SPEF2: variants seen among roughly 807,000 people sequenced by gnomAD.
The protein encoded by SPEF2 is sperm flagella and cilia-associated protein 2.
SPEF2 carries 187 observed loss-of-function variants against 224.6 expected under a neutral mutation model. The ratio of observed to expected loss-of-function variants is 0.83; its 90% confidence interval spans 0.74 to 0.94. The LOEUF is 0.94. Ranked by LOEUF, SPEF2 falls within the 40% of genes least tolerant of loss-of-function variation. SPEF2 has a pLI of 0.00. For missense variants in SPEF2, 2,170 were observed against 2,135.6 expected (o/e 1.02, Z -0.32); for synonymous variants, 715 against 707.3 (o/e 1.01, Z -0.17).
intron 18 of SPEF2, among the ~76,000 whole-genome samples, chr5:35,708,417 C>T (rs1561235270): frequency 6.6e-6 from 1 of 151,918 alleles, no homozygotes; most frequent in East Asian, 1.9e-4. Context: ...TATTTTTCTC[C>T]TCATCTTTAT....
intron 34 of SPEF2, among the ~76,000 whole-genome samples, chr5:35,802,960 T>C (rs141803424): frequency 1.1e-4 from 16 of 152,306 alleles, no homozygotes; most frequent in Non-Finnish European, 2.1e-4. Context: ...TAAGGAGACC[T>C]AGGCCTTCAG....
At chr5:35,707,590 A>G (rs1740048191) in intron 18 of SPEF2, among the ~76,000 whole-genome samples, 1 of 152,182 alleles carries the variant, frequency 6.6e-6, no homozygotes, top group African/African-American at 2.4e-5. Flanking sequence ...TACATTGAGT[A>G]GAGCTGTGGG....
intron 33 of SPEF2, among the ~76,000 whole-genome samples, 199 bp downstream of exon 33, chr5:35,795,994 T>C (rs777814971): frequency 6.6e-5 from 10 of 152,218 alleles, no homozygotes; most frequent in Non-Finnish European, 1.3e-4. Flanking sequence ...GGGGCCAGAA[T>C]CTCAGAGCCT....
Position 35,667,052 on chromosome 5 carries a change from A to G in SPEF2, c.1168-20A>G. On this transcript the variant is annotated intron_variant, in intron 8 of 36. Transcript: ENST00000356031. Reference sequence around the variant, plus strand: ...TTGATTCAATTATAGTGACTTAAAAATATGTTTTTGCCTTTTTAGGCTTTG... The same window carrying G: ...TTGATTCAATTATAGTGACTTAAAAGTATGTTTTTGCCTTTTTAGGCTTTG... 6.3e-7 allele frequency: 1 copy of G among 1,580,324 alleles called. No homozygotes were observed. Among genetic ancestry groups the G allele is most frequent in the Non-Finnish European group, 8.6e-7 (1 of 1,169,070 alleles).
At chr5:35,749,817 TACC>T (rs1352695335) in intron 23 of SPEF2, among the ~76,000 whole-genome samples, 2 of 152,132 alleles carry the variant, frequency 1.3e-5, no homozygotes, top group East Asian at 1.9e-4. Flanking sequence ...CCCATCAAAA[TACC>T]ACCAACAGTC....
At chr5:35,768,507 T>C (rs957590295) in intron 26 of SPEF2, among the ~76,000 whole-genome samples, 1 of 152,152 alleles carries the variant, frequency 6.6e-6, no homozygotes, top group Non-Finnish European at 1.5e-5. Flanking sequence ...TCTAATTCTT[T>C]AGGCTATATC....
intron 1 of SPEF2, among the ~76,000 whole-genome samples, chr5:35,618,759 G>A (rs1410112784): frequency 6.6e-6 from 1 of 151,958 alleles, no homozygotes; most frequent in Non-Finnish European, 1.5e-5. Flanking sequence ...CCATGCAGTT[G>A]CCACCCAAAG....
rs367990920 is a variant in SPEF2 at position 35,697,786 on chromosome 5, G to A, written c.2134G>A (p.Ala712Thr). ...DVLLVDIIVNAINEIPVNQDC... is the reference protein window; with the variant it reads ...DVLLVDIIVNTINEIPVNQDC... ...GCTGCTTGTTGACATCATAGTAAAT[G>A]CTATTAAGTATGTATTGCATTTTTC... The change falls in exon 15 of 37, where the codon GCT becomes ACT. Residue 712 changes from alanine (A) to threonine (T), a missense_variant. Physicochemically the swap from Ala to Thr is moderately conservative, Grantham distance 58 (BLOSUM62 0). Transcript: ENST00000356031. The A allele has an allele frequency of 3.1e-6, 5 of 1,608,170 alleles. No individual in the cohort carries two copies. The African/African-American group carries it at 4.0e-5, about 13-fold the overall frequency.
At chr5:35,802,066 G>T (rs1456233194) in intron 34 of SPEF2, among the ~76,000 whole-genome samples, 1 of 145,314 alleles carries the variant, frequency 6.9e-6, no homozygotes, top group Non-Finnish European at 1.5e-5. Flanking sequence ...AATGAATGAT[G>T]CCCCAAACAG....
chr5:35,748,946 C>G lies in SPEF2; in HGVS notation c.3331-4678C>G, dbSNP rs372304458. Reference sequence around the variant, plus strand: ...GCTAAAATCCTTAACAAAATAGTAGCTAACCAAATCCAACAACATATCAAA... The same window carrying G: ...GCTAAAATCCTTAACAAAATAGTAGGTAACCAAATCCAACAACATATCAAA... On this transcript the variant is annotated intron_variant, in intron 23 of 36. Transcript: ENST00000356031. Among the ~76,000 whole-genome samples, 725 of 152,224 alleles carry G rather than the reference C, an allele frequency of 4.8e-3. 5 individuals carry two copies. Among genetic ancestry groups the G allele is most frequent in the African/African-American group, 0.017 (688 of 41,546 alleles).
At chr5:35,814,348 TA>T in intron 36 of SPEF2, 115 bp from the exon 37 acceptor site, 1 of 494,466 alleles carries the variant, frequency 2.0e-6, no homozygotes, top group Non-Finnish European at 3.4e-6. Context: ...AAAAAAGAAA[TA>T]AAAACTGTTT....
intron 21 of SPEF2, among the ~76,000 whole-genome samples, chr5:35,731,346 A>G (rs184452238): frequency 1.3e-4 from 20 of 152,366 alleles, no homozygotes; most frequent in African/African-American, 4.1e-4. Flanking sequence ...AAATATTTTT[A>G]TAACTGGAAG....
chr5:35,740,256 C>G lies in SPEF2; in HGVS notation c.3319C>G (p.Gln1107Glu). 1 of 1,614,012 alleles carries G rather than the reference C, an allele frequency of 6.2e-7. No individual in the cohort carries two copies. Among genetic ancestry groups the G allele is most frequent in the Non-Finnish European group, 8.5e-7 (1 of 1,179,988 alleles). ...DDEETKAELH[Q>E]RVNDLRDRLW... is the part of the protein sequence containing the mutation. ...TGAGGAAACAAAGGCTGAACTACAT[C>G]AACGAGTGAATGTAAGGAAATAGTG... Residue 1107 changes from glutamine to glutamate, a missense_variant, in exon 23 of 37, where the codon CAA becomes GAA. Gln to Glu is a conservative substitution (Grantham distance 29, BLOSUM62 2). Coordinates refer to ENST00000356031, the MANE Select transcript of SPEF2 (RefSeq NM_024867.4).
chr5:35,771,892 C>T, intron 27 of SPEF2, 136 bp downstream of exon 27: 4 of 1,118,158 alleles, frequency 3.6e-6, no homozygotes, highest in Non-Finnish European at 2.4e-6. Context: ...GAGACCCGGG[C>T]TTCTATGATT....
chr5:35,787,562 T>A lies in SPEF2; in HGVS notation c.4448-4778T>A, dbSNP rs1005231643. 2.0e-5 allele frequency among the ~76,000 whole-genome samples: 3 copies of A among 152,124 alleles called. 1 individual carries two copies. The highest frequency in any genetic ancestry group is 1.3e-4 in the Admixed American group (2 of 15,268). ...TGTCGGTCTACTGGTGTAACTCCGCTCCACCACTTACAGGCACTGCAACAT... is the reference window on the plus strand; with the variant it reads ...TGTCGGTCTACTGGTGTAACTCCGCACCACCACTTACAGGCACTGCAACAT... On this transcript the variant is annotated intron_variant, in intron 30 of 36. Transcript: ENST00000356031.
chr5:35,743,279 T>A (rs1184539087), intron 23 of SPEF2, among the ~76,000 whole-genome samples: 2 of 152,046 alleles, frequency 1.3e-5, no homozygotes, highest in Non-Finnish European at 2.9e-5. Flanking sequence ...AACTTGGAAT[T>A]AAATTTAAAA....
chr5:35,792,331 G>A lies in SPEF2; in HGVS notation c.4448-9G>A, dbSNP rs752944398. 1 of 1,605,014 alleles carries A rather than the reference G, an allele frequency of 6.2e-7. No individual in the cohort carries two copies. Among genetic ancestry groups the A allele is most frequent in the Non-Finnish European group, 8.5e-7 (1 of 1,173,456 alleles). On this transcript the variant is annotated splice_polypyrimidine_tract_variant and intron_variant, in intron 30 of 36. Transcript: ENST00000356031. ...ACCAAGTGACAAAATATTTTTCATTGTATTATAGGCATAATAGGAAATAAA... is the reference window on the plus strand; with the variant it reads ...ACCAAGTGACAAAATATTTTTCATTATATTATAGGCATAATAGGAAATAAA...
intron 20 of SPEF2, among the ~76,000 whole-genome samples, chr5:35,715,908 T>C (rs1742486651): frequency 6.8e-6 from 1 of 147,170 alleles, no homozygotes; most frequent in Non-Finnish European, 1.5e-5. Context: ...TCCCAGGCTC[T>C]AAAAAGCGTA....
At chr5:35,784,129 A>ATT (rs201823821) in intron 30 of SPEF2, among the ~76,000 whole-genome samples, 13 of 142,100 alleles carry the variant, frequency 9.1e-5, no homozygotes, top group East Asian at 6.2e-4. Flanking sequence ...AGACCGATAG[A>ATT]TTTTTTTTTT....
Sources: gnomAD v4.1 joint callset for allele counts (sites outside exome capture counted in the v4.1 genomes callset) on GRCh38, gnomAD v4.1.1 for gene constraint, MANE v1.5 for transcripts, NCBI Gene and HGNC (gene_info 2026-07-23, HGNC 2026-07-21) for gene names.